AFF2: variants seen among roughly 807,000 people sequenced by gnomAD.
AFF2 encodes AF4/FMR2 family member 2.
A neutral mutation model predicts 76.9 loss-of-function variants in AFF2; 14 were observed. That is an observed-to-expected ratio of 0.18 (90% CI 0.12 to 0.28). AFF2 has a LOEUF of 0.28. AFF2 is among the 10% of genes least tolerant of loss of function. The pLI, the probability that AFF2 is intolerant of heterozygous loss-of-function variation, is 1.00. For synonymous variants in AFF2, 398 were observed against 366.7 expected, an observed-to-expected ratio of 1.09 and a Z score of -0.98; for missense variants, 868 against 1,001.1, an observed-to-expected ratio of 0.87 and a Z score of 1.79.
intron 1 of AFF2, among the ~76,000 whole-genome samples, chrX:148,517,580 T>C (rs2052549765): frequency 8.9e-6 from 1 of 112,087 alleles, no homozygotes. Flanking sequence ...CTTAGTACAT[T>C]GTACCACATT....
intron 8 of AFF2, among the ~76,000 whole-genome samples, chrX:148,889,447 C>T (rs2071198252): frequency 9.0e-6 from 1 of 111,683 alleles, no homozygotes; most frequent in African/African-American, 3.3e-5. Flanking sequence ...ATTAAAGATG[C>T]CAAATGGTCA....
At chrX:148,907,839 C>T (rs1409491951) in intron 9 of AFF2, among the ~76,000 whole-genome samples, 10 of 110,903 alleles carry the variant, frequency 9.0e-5, no homozygotes, top group African/African-American at 1.3e-4. Flanking sequence ...GGAATTTCCT[C>T]GTCCTAATAA....
chrX:148,663,610 G>A (rs782102587), intron 3 of AFF2, among the ~76,000 whole-genome samples: 23 of 112,394 alleles, frequency 2.0e-4, no homozygotes, highest in African/African-American at 3.6e-4. Context: ...CCATGTAAGC[G>A]GCTGTCTACT....
intron 3 of AFF2, among the ~76,000 whole-genome samples, chrX:148,793,655 T>C (rs1345733497): frequency 9.0e-6 from 1 of 111,703 alleles, no homozygotes; most frequent in Non-Finnish European, 1.9e-5. Context: ...TCCCCTGTCA[T>C]GAGAGTCATG....
Position 148,500,854 on chromosome X carries a change from G to A in AFF2, c.-244G>A, listed in dbSNP as rs2052338895. The A allele has an allele frequency of 3.3e-6, 1 of 302,074 alleles. No homozygotes were observed. Among genetic ancestry groups the A allele is most frequent in the Non-Finnish European group, 5.7e-6 (1 of 176,031 alleles). The allele number at this position is 302,074 out of a possible 1,213,427, so 24.9% of individuals were successfully genotyped here. A position where few individuals can be genotyped will look rare whatever the true frequency, so the allele number is the denominator to read the frequency against. On this transcript the variant is annotated 5_prime_UTR_variant, in exon 1 of 21. Transcript: ENST00000370460. The stretch of plus-strand genomic sequence containing the variant: ...GTGCGCGGGCTACCGCGGACCGAGC[G>A]GACCCGAGTGGGCGACCAGGCGCTT...
intron 9 of AFF2, among the ~76,000 whole-genome samples, chrX:148,926,716 T>C (rs1489379131): frequency 8.9e-6 from 1 of 112,207 alleles, no homozygotes; most frequent in Non-Finnish European, 1.9e-5. Context: ...CATTAAAGCA[T>C]TGCCAAATTG....
intron 7 of AFF2, among the ~76,000 whole-genome samples, chrX:148,861,404 G>C (rs781998424): frequency 2.7e-5 from 3 of 111,611 alleles, no homozygotes; most frequent in Non-Finnish European, 5.7e-5. Context: ...TCATGAAATA[G>C]TTACTATGAA....
intron 4 of AFF2, among the ~76,000 whole-genome samples, chrX:148,828,540 A>G (rs1263025845): frequency 8.9e-6 from 1 of 112,446 alleles, no homozygotes; most frequent in Non-Finnish European, 1.9e-5. Context: ...CTTAATAAAG[A>G]TTAAAATTTA....
chrX:148,924,486 A>G (rs1177691657), intron 9 of AFF2, among the ~76,000 whole-genome samples: 1 of 112,329 alleles, frequency 8.9e-6, no homozygotes, highest in Non-Finnish European at 1.9e-5. Flanking sequence ...TTATGAGATT[A>G]TGAAAAATGG....
chrX:148,896,183 G>C (rs2071282426), intron 8 of AFF2, among the ~76,000 whole-genome samples: 1 of 111,017 alleles, frequency 9.0e-6, no homozygotes, highest in African/African-American at 3.3e-5. Flanking sequence ...TTAGCTCAGG[G>C]GAGCAGGTGT....
At chrX:148,732,483 A>C (rs1409564094) in intron 3 of AFF2, among the ~76,000 whole-genome samples, 3 of 89,546 alleles carry the variant, frequency 3.4e-5, no homozygotes, top group Non-Finnish European at 6.5e-5. Flanking sequence ...CTAGATGACG[A>C]GTTAGTGGGT....
intron 1 of AFF2, among the ~76,000 whole-genome samples, chrX:148,649,187 C>A (rs939840652): frequency 1.8e-5 from 2 of 111,924 alleles, no homozygotes; most frequent in Non-Finnish European, 3.8e-5. Flanking sequence ...CTGCCTGAAT[C>A]ATAAGAAATT....
intron 1 of AFF2, among the ~76,000 whole-genome samples, chrX:148,619,680 C>G (rs976724114): frequency 8.9e-6 from 1 of 111,822 alleles, no homozygotes; most frequent in East Asian, 2.8e-4. Flanking sequence ...AAAGATTTAT[C>G]ATAGTCCATG....
At position 148,991,933 on chromosome X, in the gene AFF2, CTA is replaced by C. The variant is rs782577638; in HGVS notation, c.*603_*604del. 8.9e-6 allele frequency: 1 copy of C among 112,266 alleles called. No homozygotes were observed. Among genetic ancestry groups the C allele is most frequent in the South Asian group, 3.7e-4 (1 of 2,684 alleles). The allele number at this position is 112,266 out of a possible 1,213,427, so 9.3% of individuals were successfully genotyped here. ...TAGCAATGCTACTCTTAAAAAGATGCTATGCCACACAACCAGAGGACTTTCTT... is the reference window on the plus strand; with the variant it reads ...TAGCAATGCTACTCTTAAAAAGATGCTGCCACACAACCAGAGGACTTTCTT... On this transcript the variant is annotated 3_prime_UTR_variant, in exon 21 of 21. Coordinates refer to ENST00000370460, the MANE Select transcript of AFF2 (RefSeq NM_002025.4).
chrX:148,703,837 A>G (rs1175647419), intron 3 of AFF2, among the ~76,000 whole-genome samples: 1 of 110,978 alleles, frequency 9.0e-6, no homozygotes, highest in Non-Finnish European at 1.9e-5. Flanking sequence ...TAAGAGTTTC[A>G]CTTATTAGTT....
intron 1 of AFF2, among the ~76,000 whole-genome samples, chrX:148,581,185 A>C (rs2053371637): frequency 1.1e-5 from 1 of 91,786 alleles, no homozygotes; most frequent in South Asian, 4.3e-4. Flanking sequence ...ACGTATACAC[A>C]CATATACATA....
chrX:148,916,454 C>T (rs1288532469), intron 9 of AFF2, among the ~76,000 whole-genome samples: 2 of 109,544 alleles, frequency 1.8e-5, no homozygotes, highest in African/African-American at 6.7e-5. Context: ...TCGTGATCTT[C>T]CCGCCTCGGC....
At chrX:148,583,996 G>A (rs921362489) in intron 1 of AFF2, among the ~76,000 whole-genome samples, 3 of 111,874 alleles carry the variant, frequency 2.7e-5, no homozygotes, top group East Asian at 2.8e-4. Flanking sequence ...GTCGCCTTAC[G>A]CCTCCACCCC....
chrX:148,670,887 C>T (rs241120), intron 3 of AFF2, among the ~76,000 whole-genome samples: 20,784 of 111,376 alleles, frequency 0.19, 1,417 homozygotes, highest in Non-Finnish European at 0.2. Flanking sequence ...CCCCTTTCTC[C>T]TCCATTTTTT....
Sources: gnomAD v4.1 joint callset for allele counts (sites outside exome capture counted in the v4.1 genomes callset) on GRCh38, gnomAD v4.1.1 for gene constraint, MANE v1.5 for transcripts, NCBI Gene and HGNC (gene_info 2026-07-23, HGNC 2026-07-21) for gene names.